The following ANKRD44 variants were observed in gnomAD, a reference collection of about 807,000 sequenced individuals.
The protein encoded by ANKRD44 is serine/threonine-protein phosphatase 6 regulatory ankyrin repeat subunit B.
ANKRD44 carries 35 observed loss-of-function variants against 116.0 expected under a neutral mutation model. That is an observed-to-expected ratio of 0.30 (90% confidence interval 0.23 to 0.40). ANKRD44 has a LOEUF of 0.40. Ranked by LOEUF, ANKRD44 falls within the 10% of genes least tolerant of loss-of-function variation. The pLI is 1.00. For missense variants in ANKRD44, 1,014 were observed against 1,242.6 expected (o/e 0.82, Z 2.77); for synonymous variants, 435 against 461.8 (o/e 0.94, Z 0.74).
At chr2:197,102,891 C>T (rs934676174) in intron 9 of ANKRD44, among the ~76,000 whole-genome samples, 2 of 151,868 alleles carry the variant, frequency 1.3e-5, no homozygotes, top group African/African-American at 4.8e-5. Flanking sequence ...TATTTTTCTC[C>T]CAGGTTTTGT....
chr2:197,099,132 C>G (rs141867244), intron 10 of ANKRD44, among the ~76,000 whole-genome samples: 41 of 152,188 alleles, frequency 2.7e-4, no homozygotes, highest in African/African-American at 8.4e-4. Flanking sequence ...AAAACACTGG[C>G]CACCTTTGAG....
intron 21 of ANKRD44, among the ~76,000 whole-genome samples, chr2:196,979,107 T>C (rs2075780339): frequency 6.6e-6 from 1 of 152,006 alleles, no homozygotes; most frequent in Admixed American, 6.6e-5. Context: ...ATGAATAGCA[T>C]CTGCAGGCGC....
At chr2:197,152,906 A>C (rs929135018) in intron 2 of ANKRD44, among the ~76,000 whole-genome samples, 5 of 152,160 alleles carry the variant, frequency 3.3e-5, no homozygotes, top group African/African-American at 1.2e-4. Flanking sequence ...TTAAGAAAAC[A>C]AGCCTATGAA....
intron 1 of ANKRD44, among the ~76,000 whole-genome samples, chr2:197,283,760 A>G (rs2083329528): frequency 6.6e-6 from 1 of 152,262 alleles, no homozygotes; most frequent in Middle Eastern, 3.4e-3. Context: ...TCCCTCTTGC[A>G]ATCATGTTTG....
At chr2:197,078,624 GA>G (rs1246737941) in intron 16 of ANKRD44, 78 bp downstream of exon 16, 3 of 1,560,126 alleles carry the variant, frequency 1.9e-6, no homozygotes, top group African/African-American at 1.4e-5. Flanking sequence ...TACAACTCTG[GA>G]AAAAAACAGT....
chr2:197,136,230 C>T, intron 4 of ANKRD44: 1 of 257,810 alleles, frequency 3.9e-6, no homozygotes, highest in Non-Finnish European at 7.6e-6. Flanking sequence ...AGGACCAGAT[C>T]AACTGACATC....
At position 196,986,703 on chromosome 2, in the gene ANKRD44, A is replaced by T; in HGVS notation, c.*2888T>A. 2 of 975,356 alleles carry T rather than the reference A, an allele frequency of 2.1e-6. No individual in the cohort carries two copies. The highest frequency in any genetic ancestry group is 1.8e-5 in the African/African-American group (1 of 57,142). The allele number at this position is 975,356 out of a possible 1,614,324, so 60.4% of individuals were successfully genotyped here. ...ACCGTTTTTATTTGTAAAAATAACC[A>T]TCTGAATGCATTTCCATAGTATATT... On this transcript the variant is annotated 3_prime_UTR_variant, in exon 28 of 28. Coordinates refer to ENST00000282272, the MANE Select transcript of ANKRD44 (RefSeq NM_001195144.2).
intron 10 of ANKRD44, among the ~76,000 whole-genome samples, chr2:197,092,699 G>A (rs757522017): frequency 2.0e-5 from 3 of 151,956 alleles, no homozygotes; most frequent in Admixed American, 2.0e-4. Context: ...TAATTGCCTC[G>A]CTCATCATTT....
intron 16 of ANKRD44, among the ~76,000 whole-genome samples, chr2:197,065,810 C>T (rs112968508): frequency 0.04 from 6,131 of 152,106 alleles, 161 homozygotes; most frequent in Middle Eastern, 0.082. Flanking sequence ...GCCTACCAAC[C>T]AAAAAAAGTC....
At chr2:196,991,951 G>T (rs1364283581) in intron 27 of ANKRD44, among the ~76,000 whole-genome samples, 1 of 152,156 alleles carries the variant, frequency 6.6e-6, no homozygotes, top group Non-Finnish European at 1.5e-5. Flanking sequence ...AAATGTAATG[G>T]ATGTGAGAAA....
chr2:197,147,430 A>T (rs1287978564), intron 2 of ANKRD44, among the ~76,000 whole-genome samples: 1 of 19,686 alleles, frequency 5.1e-5, no homozygotes, highest in Non-Finnish European at 7.2e-4. Flanking sequence ...AGGATGGTTA[A>T]AAAAAAAAAA....
chr2:197,241,283 G>A (rs4850775), intron 1 of ANKRD44, among the ~76,000 whole-genome samples: 51,827 of 152,094 alleles, frequency 0.34, 10,856 homozygotes, highest in East Asian at 0.61. Flanking sequence ...GGACTTAGTC[G>A]TCAAATAAGC....
chr2:197,008,889 C>A (rs1203530520), intron 19 of ANKRD44, 55 bp downstream of exon 19: 1 of 1,502,454 alleles, frequency 6.7e-7, no homozygotes, highest in South Asian at 1.1e-5. Flanking sequence ...AGAAACCAAC[C>A]AGGTAGCTGC....
At chr2:197,002,895 A>T (rs1002358974) in intron 21 of ANKRD44, among the ~76,000 whole-genome samples, 3 of 152,220 alleles carry the variant, frequency 2.0e-5, no homozygotes, top group African/African-American at 7.2e-5. Context: ...CCTCAGAATG[A>T]TGTAGATGGG....
intron 17 of ANKRD44, among the ~76,000 whole-genome samples, chr2:197,019,104 A>C (rs761227600): frequency 1.1e-4 from 17 of 152,224 alleles, no homozygotes; most frequent in Non-Finnish European, 2.2e-4. Flanking sequence ...TGGTGACAGA[A>C]TTGAATAACA....
chr2:197,079,941 A>C (rs1263841524), intron 15 of ANKRD44, among the ~76,000 whole-genome samples: 1 of 152,204 alleles, frequency 6.6e-6, no homozygotes, highest in East Asian at 1.9e-4. Context: ...CCAAATACCC[A>C]CATGTCAATA....
intron 1 of ANKRD44, among the ~76,000 whole-genome samples, chr2:197,251,293 A>T (rs62279243): frequency 0.11 from 16,198 of 152,142 alleles, 938 homozygotes; most frequent in Non-Finnish European, 0.13. Flanking sequence ...ATTCTTTCTC[A>T]TTTATCATCA....
intron 1 of ANKRD44, among the ~76,000 whole-genome samples, chr2:197,245,646 G>A (rs1006638432): frequency 6.6e-6 from 1 of 152,198 alleles, no homozygotes; most frequent in Non-Finnish European, 1.5e-5. Flanking sequence ...CAGCAAAGCT[G>A]TTTGTAGGGT....
chr2:197,085,903 T>C (rs1313935997), intron 13 of ANKRD44, among the ~76,000 whole-genome samples: 1 of 151,944 alleles, frequency 6.6e-6, no homozygotes, highest in Non-Finnish European at 1.5e-5. Flanking sequence ...CCCTTTCCCA[T>C]AACAGGGAGA....
Sources: gnomAD v4.1 joint callset for allele counts (sites outside exome capture counted in the v4.1 genomes callset) on GRCh38, gnomAD v4.1.1 for gene constraint, MANE v1.5 for transcripts, NCBI Gene and HGNC (gene_info 2026-07-23, HGNC 2026-07-21) for gene names.